The following SLC25A43 variants were observed in gnomAD, a reference collection of about 807,000 sequenced individuals.
SLC25A43 encodes the protein solute carrier family 25 member 43.
A neutral mutation model predicts 22.8 loss-of-function variants in SLC25A43; 10 were observed. The observed-to-expected ratio is 0.44, with a 90% CI of 0.27 to 0.74. The LOEUF (loss-of-function observed/expected upper bound fraction) is 0.74, where lower values mean the gene tolerates loss of function less well. Ranked by LOEUF, SLC25A43 falls within the 30% of genes least tolerant of loss-of-function variation. The pLI, the probability that SLC25A43 is intolerant of heterozygous loss-of-function variation, is 0.17. For missense variants in SLC25A43, 233 were observed against 279.1 expected, an observed-to-expected ratio of 0.83 and a Z score of 1.18; for synonymous variants, 106 against 121.6, an observed-to-expected ratio of 0.87 and a Z score of 0.84.
rs2052511104 is a variant in SLC25A43, at chrX:119,426,903, C to T, written c.690+16541C>T. Among the ~76,000 whole-genome samples the T allele has an allele frequency of 2.7e-5, 3 of 110,743 alleles. No homozygotes were observed. In the South Asian group the frequency reaches 1.1e-3, roughly 42 times the overall value. The stretch of plus-strand genomic sequence containing the variant: ...CAAATGAGCTGGGCTCACAGAACCT[C>T]AATAGACCTTGGATATGTATAGCTA... On this transcript the variant is annotated intron_variant, in intron 3 of 4. Transcript: ENST00000217909.
intron 3 of SLC25A43, chrX:119,423,251 C>T (rs2052470523): frequency 8.9e-6 from 1 of 112,354 alleles, no homozygotes; most frequent in South Asian, 3.7e-4. Context: ...AACTGTAGGC[C>T]GGGCGCAGTG....
intron 3 of SLC25A43, among the ~76,000 whole-genome samples, chrX:119,435,190 T>C (rs777953621): frequency 1.8e-5 from 2 of 110,778 alleles, no homozygotes; most frequent in East Asian, 5.7e-4. Flanking sequence ...GAGCAGATCA[T>C]ATAGGACCTT....
At chrX:119,408,899 G>A (rs1247382068) in intron 2 of SLC25A43, among the ~76,000 whole-genome samples, 2 of 110,417 alleles carry the variant, frequency 1.8e-5, no homozygotes, top group East Asian at 2.8e-4. Context: ...CCTCACCATC[G>A]AGAGTCTCTC....
chrX:119,415,105 A>G (rs1488421256), intron 3 of SLC25A43, among the ~76,000 whole-genome samples: 1 of 108,828 alleles, frequency 9.2e-6, no homozygotes, highest in Non-Finnish European at 1.9e-5. Flanking sequence ...TTGTATTTTT[A>G]GCAGAGACGG....
chrX:119,446,137 G>A (rs1199079721), intron 3 of SLC25A43, among the ~76,000 whole-genome samples: 1 of 77,173 alleles, frequency 1.3e-5, no homozygotes, highest in East Asian at 4.7e-4. Flanking sequence ...GAGTGACAGA[G>A]TGGGACTCCA....
intron 3 of SLC25A43, among the ~76,000 whole-genome samples, chrX:119,425,003 A>G (rs1382200415): frequency 1.8e-5 from 2 of 112,183 alleles, no homozygotes; most frequent in Non-Finnish European, 3.8e-5. Context: ...GAGGACACAA[A>G]CACTCAGAGC....
At chrX:119,422,877 A>G (rs2052466502) in intron 3 of SLC25A43, 1 of 112,330 alleles carries the variant, frequency 8.9e-6, no homozygotes, top group Non-Finnish European at 1.9e-5. Flanking sequence ...ACAAAAGGAA[A>G]AATTCTTGAC....
chrX:119,443,638 A>T (rs2052641176), intron 3 of SLC25A43, among the ~76,000 whole-genome samples: 2 of 110,409 alleles, frequency 1.8e-5, no homozygotes, highest in Non-Finnish European at 3.8e-5. Flanking sequence ...TGTTTCTCAC[A>T]ATCATCTGTG....
intron 3 of SLC25A43, among the ~76,000 whole-genome samples, chrX:119,448,190 G>A (rs1026807297): frequency 1.8e-5 from 2 of 110,225 alleles, no homozygotes; most frequent in African/African-American, 3.3e-5. Context: ...AGAATATATC[G>A]AGTCTGATCA....
chrX:119,451,627 G>A, intron 3 of SLC25A43, among the ~76,000 whole-genome samples: 1 of 111,579 alleles, frequency 9.0e-6, no homozygotes, highest in Non-Finnish European at 1.9e-5. Context: ...CCTCCGCTTG[G>A]GAGCTTCACA....
intron 3 of SLC25A43, among the ~76,000 whole-genome samples, chrX:119,416,150 C>T (rs1191880094): frequency 9.1e-6 from 1 of 109,880 alleles, no homozygotes; most frequent in Non-Finnish European, 1.9e-5. Context: ...CAGCTTTCAC[C>T]ACATACTAAA....
At chrX:119,450,429 C>G (rs143175864) in intron 3 of SLC25A43, among the ~76,000 whole-genome samples, 185 of 111,932 alleles carry the variant, frequency 1.7e-3, no homozygotes, top group Non-Finnish European at 2.3e-3. Flanking sequence ...CAAAAAATCC[C>G]TCCTTACATG....
intron 2 of SLC25A43, among the ~76,000 whole-genome samples, chrX:119,409,337 C>A (rs2052327356): frequency 9.2e-6 from 1 of 108,295 alleles, no homozygotes; most frequent in South Asian, 4.1e-4. Context: ...CGCACCTCCA[C>A]GCCCAGTTAC....
At chrX:119,444,110 A>G (rs2052645950) in intron 3 of SLC25A43, among the ~76,000 whole-genome samples, 1 of 111,636 alleles carries the variant, frequency 9.0e-6, no homozygotes, top group Non-Finnish European at 1.9e-5. Context: ...TAATGAGGAA[A>G]GATATAACAA....
intron 3 of SLC25A43, among the ~76,000 whole-genome samples, chrX:119,422,663 C>T (rs951006766): frequency 9.0e-6 from 1 of 111,329 alleles, no homozygotes; most frequent in Non-Finnish European, 1.9e-5. Context: ...TGTACCTACC[C>T]AAGATGAAGG....
intron 2 of SLC25A43, among the ~76,000 whole-genome samples, chrX:119,407,363 C>T (rs2052307786): frequency 9.0e-6 from 1 of 111,430 alleles, no homozygotes; most frequent in Non-Finnish European, 1.9e-5. Context: ...TCCTCCAAAC[C>T]CTCCCTAGGT....
chrX:119,412,504 G>A (rs891880069), intron 3 of SLC25A43, among the ~76,000 whole-genome samples: 2 of 111,047 alleles, frequency 1.8e-5, no homozygotes, highest in Admixed American at 1.9e-4. Flanking sequence ...CTTCCCAAGA[G>A]CTGGGACTAC....
intron 1 of SLC25A43, among the ~76,000 whole-genome samples, chrX:119,400,580 T>G (rs1242222782): frequency 3.6e-5 from 4 of 112,051 alleles, no homozygotes; most frequent in Admixed American, 2.8e-4. Flanking sequence ...CAGCCCACAT[T>G]TGGGAGAGTC....
At chrX:119,444,252 T>A (rs2052646628) in intron 3 of SLC25A43, among the ~76,000 whole-genome samples, 1 of 111,737 alleles carries the variant, frequency 8.9e-6, no homozygotes, top group Non-Finnish European at 1.9e-5. Context: ...TTTAAACTGT[T>A]TACCAAAAGA....
Sources: allele counts gnomAD v4.1 joint callset (sites outside exome capture counted in the v4.1 genomes callset), GRCh38; gene constraint gnomAD v4.1.1; transcripts MANE v1.5; gene names NCBI Gene and HGNC (gene_info 2026-07-23, HGNC 2026-07-21).